RGPD2: variants seen among roughly 807,000 people sequenced by gnomAD.
RGPD2 encodes the protein RANBP2 like and GRIP domain containing 2, also known as RANBP2-like and GRIP domain-containing protein 2.
Under a neutral mutation model 36.0 loss-of-function variants are expected in RGPD2, and 2 were observed. The ratio of observed to expected loss-of-function variants is 0.06; its 90% CI spans 0.02 to 0.17. The LOEUF is 0.17. Ranked by LOEUF, RGPD2 falls within the 10% of genes least tolerant of loss-of-function variation. RGPD2 has a pLI of 1.00. For synonymous variants in RGPD2, 19 were observed against 163.8 expected (o/e 0.12, Z 6.75); for missense variants, 40 against 464.3 (o/e 0.09, Z 8.40).
At chr2:87,974,482 C>T in the RGPD2 span, among the ~76,000 whole-genome samples, 2 of 152,134 alleles carry the variant, frequency 1.3e-5, no homozygotes, top group African/African-American at 4.8e-5. Flanking sequence ...CTTTACTGCT[C>T]TGTGACTATC....
the RGPD2 span, among the ~76,000 whole-genome samples, chr2:87,987,974 T>C: frequency 1.3e-5 from 2 of 149,132 alleles, no homozygotes; most frequent in African/African-American, 4.9e-5. Flanking sequence ...GTACCTGGCC[T>C]TGTGATTACG....
the RGPD2 span, among the ~76,000 whole-genome samples, chr2:87,986,805 G>A: frequency 1.2e-4 from 18 of 151,470 alleles, no homozygotes; most frequent in Middle Eastern, 3.4e-3. Flanking sequence ...ACCTGAACCC[G>A]GGAGGCAGAG....
At position 87,756,371 on chromosome 2, in the gene RGPD2, G is replaced by A. The variant is rs867432780; in HGVS notation, c.*1021C>T. 545 of 142,994 alleles carry A rather than the reference G, an allele frequency of 3.8e-3. 4 individuals are homozygous for A. The highest frequency in any genetic ancestry group is 0.012 in the African/African-American group (447 of 38,834). 8.9% of individuals were successfully genotyped at this position (142,994 alleles called of 1,614,324 possible). On this transcript the variant is annotated 3_prime_UTR_variant, in exon 23 of 23. Coordinates refer to ENST00000398146, the MANE Select transcript of RGPD2 (RefSeq NM_001078170.3). ...GTGGGTTGGATCTCTTTCAGCCTCG[G>A]AAAAGCCTGCCATTCCCCCATCTAA... is the stretch of plus-strand genomic sequence containing the variant.
At chr2:87,839,442 T>C in the RGPD2 span, among the ~76,000 whole-genome samples, 1 of 152,130 alleles carries the variant, frequency 6.6e-6, no homozygotes, top group East Asian at 1.9e-4. Context: ...ATATACCCAA[T>C]GGAATATAAA....
At chr2:87,940,997 A>G in the RGPD2 span, among the ~76,000 whole-genome samples, 1 of 152,046 alleles carries the variant, frequency 6.6e-6, no homozygotes, top group Non-Finnish European at 1.5e-5. Flanking sequence ...AAAAATGGCA[A>G]TTAAGACAGA....
the RGPD2 span, among the ~76,000 whole-genome samples, chr2:87,877,209 G>A: frequency 2.6e-5 from 4 of 151,720 alleles, no homozygotes; most frequent in East Asian, 1.9e-4. Context: ...TACCTTTAAG[G>A]TTAGCATTGT....
At chr2:87,852,565 A>G in the RGPD2 span, among the ~76,000 whole-genome samples, 3 of 152,250 alleles carry the variant, frequency 2.0e-5, no homozygotes, top group African/African-American at 7.2e-5. Flanking sequence ...AAATTCTTAC[A>G]GTGGCTTGCA....
the RGPD2 span, among the ~76,000 whole-genome samples, chr2:87,882,447 T>A: frequency 6.6e-6 from 1 of 152,276 alleles, no homozygotes; most frequent in African/African-American, 2.4e-5. Flanking sequence ...TTCTACTACA[T>A]TAATCAACGT....
chr2:87,919,689 G>A, the RGPD2 span, among the ~76,000 whole-genome samples: 4 of 144,598 alleles, frequency 2.8e-5, no homozygotes, highest in Admixed American at 2.1e-4. Context: ...TAATAGAGAA[G>A]TAGTGTGGGA....
rs549790701 is a variant in RGPD2, at chr2:87,769,616, G to A, written c.5236+2553C>T. Among the ~76,000 whole-genome samples, 11 of 151,808 alleles carry A rather than the reference G, an allele frequency of 7.2e-5. No individual in the cohort carries two copies. The South Asian group carries it at 8.4e-4, about 12-fold the overall frequency. On this transcript the variant is annotated intron_variant, in intron 22 of 22. Coordinates refer to ENST00000398146, the MANE Select transcript of RGPD2 (RefSeq NM_001078170.3). ...CGTTAGCAACGTCTACATTAAACAT[G>A]CTGAGCTTTTAAAAGAGACCTGTTA...
chr2:87,884,399 A>T, the RGPD2 span, among the ~76,000 whole-genome samples: 6 of 152,042 alleles, frequency 3.9e-5, no homozygotes, highest in African/African-American at 1.2e-4. Context: ...TTAGTAAAAG[A>T]AGAACAGACT....
chr2:87,935,588 G>A, the RGPD2 span, among the ~76,000 whole-genome samples: 33 of 150,548 alleles, frequency 2.2e-4, no homozygotes, highest in Non-Finnish European at 4.3e-4. Flanking sequence ...ATACATGCAT[G>A]TTTGAATTTC....
chr2:87,824,732 G>C (rs1466216010), intron 1 of RGPD2, among the ~76,000 whole-genome samples: 3 of 95,984 alleles, frequency 3.1e-5, no homozygotes, highest in Non-Finnish European at 4.8e-5. Context: ...CCGCCGCCCG[G>C]CCAGGCCGAG....
chr2:87,870,349 A>G, the RGPD2 span, among the ~76,000 whole-genome samples: 1 of 152,280 alleles, frequency 6.6e-6, no homozygotes, highest in African/African-American at 2.4e-5. Flanking sequence ...CTAACTCTTT[A>G]CACACCAAGC....
chr2:87,873,096 G>A, the RGPD2 span, among the ~76,000 whole-genome samples: 1 of 152,188 alleles, frequency 6.6e-6, no homozygotes, highest in African/African-American at 2.4e-5. Context: ...GTGGTGTTTG[G>A]TTTTCTGTTC....
At chr2:87,875,669 T>TTTG in the RGPD2 span, among the ~76,000 whole-genome samples, 729 of 152,124 alleles carry the variant, frequency 4.8e-3, 2 homozygotes, top group African/African-American at 0.017. Flanking sequence ...GCTTGAAGTT[T>TTTG]TTGTTGTTGT....
At chr2:87,846,117 T>C in the RGPD2 span, among the ~76,000 whole-genome samples, 1 of 151,696 alleles carries the variant, frequency 6.6e-6, no homozygotes, top group South Asian at 2.1e-4. Flanking sequence ...TAAACACCAT[T>C]AATTTTACTT....
chr2:87,832,251 G>A, the RGPD2 span, among the ~76,000 whole-genome samples: 10 of 149,038 alleles, frequency 6.7e-5, no homozygotes, highest in African/African-American at 2.5e-4. Context: ...AAACAAAGAA[G>A]AAATAATGAA....
At chr2:87,872,424 A>G in the RGPD2 span, among the ~76,000 whole-genome samples, 2 of 152,228 alleles carry the variant, frequency 1.3e-5, no homozygotes, top group Admixed American at 1.3e-4. Flanking sequence ...AAATGTGAAG[A>G]AGGCCTTAAA....
Sources: gnomAD v4.1 joint callset for allele counts (sites outside exome capture counted in the v4.1 genomes callset) on GRCh38, gnomAD v4.1.1 for gene constraint, MANE v1.5 for transcripts, NCBI Gene and HGNC (gene_info 2026-07-23, HGNC 2026-07-21) for gene names.